PDZRN3: variants seen among roughly 807,000 people sequenced by gnomAD.
The protein encoded by PDZRN3 is E3 ubiquitin-protein ligase PDZRN3.
PDZRN3 carries 38 observed loss-of-function variants against 85.7 expected under a neutral mutation model. The observed-to-expected ratio is 0.44, with a 90% CI of 0.34 to 0.58. The LOEUF is 0.58. PDZRN3 is among the 20% of genes least tolerant of loss of function. The pLI is 0.01. For missense variants in PDZRN3, 1,629 were observed against 1,506.4 expected, an observed-to-expected ratio of 1.08 and a Z score of -1.35; for synonymous variants, 759 against 638.0, an observed-to-expected ratio of 1.19 and a Z score of -2.86.
At chr3:73,542,687 T>C (rs1390894970) in intron 3 of PDZRN3, among the ~76,000 whole-genome samples, 4 of 151,834 alleles carry the variant, frequency 2.6e-5, no homozygotes, top group African/African-American at 4.8e-5. Context: ...GGCAGGAGAA[T>C]TGCTTGAACC....
intron 3 of PDZRN3, among the ~76,000 whole-genome samples, chr3:73,420,458 G>C (rs1305085861): frequency 6.6e-6 from 1 of 152,184 alleles, no homozygotes; most frequent in Non-Finnish European, 1.5e-5. Flanking sequence ...AACAAATACT[G>C]AATCTGAGAA....
chr3:73,410,352 C>T (rs1412738276), intron 3 of PDZRN3, among the ~76,000 whole-genome samples: 1 of 152,040 alleles, frequency 6.6e-6, no homozygotes, highest in African/African-American at 2.4e-5. Flanking sequence ...TTCAAATTAA[C>T]GTGTTTCTGA....
At chr3:73,488,482 C>T (rs1331273131) in intron 3 of PDZRN3, among the ~76,000 whole-genome samples, 2 of 152,190 alleles carry the variant, frequency 1.3e-5, no homozygotes, top group African/African-American at 4.8e-5. Context: ...CTGGAACAAT[C>T]TTCCCAGCTC....
chr3:73,568,353 C>T (rs1465233473), intron 3 of PDZRN3, among the ~76,000 whole-genome samples: 1 of 152,092 alleles, frequency 6.6e-6, no homozygotes, highest in East Asian at 1.9e-4. Context: ...AAGCAGGTGG[C>T]TTGAGTTGCT....
At chr3:73,423,976 A>G (rs146161490) in intron 3 of PDZRN3, among the ~76,000 whole-genome samples, 3 of 152,210 alleles carry the variant, frequency 2.0e-5, no homozygotes, top group Non-Finnish European at 4.4e-5. Flanking sequence ...CGAGGAAGAG[A>G]TGGGCTTGTC....
intron 3 of PDZRN3, among the ~76,000 whole-genome samples, chr3:73,542,358 TCAATCCCAGGC>T (rs1704944227): frequency 6.6e-6 from 1 of 152,202 alleles, no homozygotes; most frequent in Non-Finnish European, 1.5e-5. Flanking sequence ...TGCCTGGGCA[TCAATCCCAGGC>T]CAACAACATT....
intron 5 of PDZRN3, among the ~76,000 whole-genome samples, chr3:73,397,122 C>T (rs1701655108): frequency 6.6e-6 from 1 of 151,950 alleles, no homozygotes; most frequent in African/African-American, 2.4e-5. Context: ...CAACCTCCGC[C>T]TCCTGGGTTT....
At chr3:73,479,449 A>G (rs1279201816) in intron 3 of PDZRN3, among the ~76,000 whole-genome samples, 1 of 151,954 alleles carries the variant, frequency 6.6e-6, no homozygotes, top group African/African-American at 2.4e-5. Context: ...CACATTCAAT[A>G]ACTCTCCAGG....
chr3:73,435,825 C>T (rs1702520299), intron 3 of PDZRN3, among the ~76,000 whole-genome samples: 1 of 152,162 alleles, frequency 6.6e-6, no homozygotes, highest in Admixed American at 6.5e-5. Flanking sequence ...GGGATGACTC[C>T]ACCGTTTGCT....
chr3:73,512,765 C>T (rs1704191014), intron 3 of PDZRN3, among the ~76,000 whole-genome samples: 1 of 152,100 alleles, frequency 6.6e-6, no homozygotes, highest in Non-Finnish European at 1.5e-5. Context: ...GGCCTTGTAG[C>T]CAAACATTCC....
At chr3:73,483,781 T>C (rs746496936) in intron 3 of PDZRN3, among the ~76,000 whole-genome samples, 1 of 152,030 alleles carries the variant, frequency 6.6e-6, no homozygotes, top group Admixed American at 6.6e-5. Flanking sequence ...CCAGATGTAT[T>C]TGGGAGGCAG....
At chr3:73,538,766 T>G (rs930678746) in intron 3 of PDZRN3, among the ~76,000 whole-genome samples, 2 of 152,148 alleles carry the variant, frequency 1.3e-5, no homozygotes, top group African/African-American at 4.8e-5. Context: ...TTTTATACAA[T>G]GATGTAGGTA....
intron 3 of PDZRN3, among the ~76,000 whole-genome samples, chr3:73,434,767 T>G (rs766295982): frequency 6.6e-6 from 1 of 152,150 alleles, no homozygotes; most frequent in Non-Finnish European, 1.5e-5. Context: ...CCAAGTTGTG[T>G]GTGAAGAAAG....
intron 3 of PDZRN3, among the ~76,000 whole-genome samples, chr3:73,497,566 T>G (rs142329012): frequency 9.9e-5 from 15 of 152,232 alleles, no homozygotes; most frequent in African/African-American, 3.6e-4. Flanking sequence ...ATTATTGCCA[T>G]TGTAAAATTT....
chr3:73,554,673 A>AG (rs1701648672), intron 3 of PDZRN3, among the ~76,000 whole-genome samples: 1 of 152,218 alleles, frequency 6.6e-6, no homozygotes, highest in Non-Finnish European at 1.5e-5. Flanking sequence ...TAAAGGTAAG[A>AG]GAAAAAAAAT....
At chr3:73,464,556 C>G (rs1703174472) in intron 3 of PDZRN3, among the ~76,000 whole-genome samples, 1 of 152,134 alleles carries the variant, frequency 6.6e-6, no homozygotes, top group African/African-American at 2.4e-5. Context: ...ACTATTCTGT[C>G]TCTTCCCTTC....
intron 3 of PDZRN3, chr3:73,569,552 A>G (rs1188658462): frequency 3.8e-6 from 4 of 1,049,684 alleles, no homozygotes; most frequent in South Asian, 6.4e-5. Flanking sequence ...GAAGCCTCCC[A>G]CCCCCACACC....
chr3:73,548,477 T>C (rs2106798243), intron 3 of PDZRN3, among the ~76,000 whole-genome samples: 1 of 152,248 alleles, frequency 6.6e-6, no homozygotes, highest in South Asian at 2.1e-4. Flanking sequence ...ATTTGAGGCT[T>C]TTTGAAGCAC....
At chr3:73,424,804 G>T (rs1702278683) in intron 3 of PDZRN3, among the ~76,000 whole-genome samples, 1 of 152,100 alleles carries the variant, frequency 6.6e-6, no homozygotes, top group Admixed American at 6.6e-5. Context: ...CATAGTCAGG[G>T]TGAAGCAAAT....
Sources: allele counts gnomAD v4.1 joint callset (sites outside exome capture counted in the v4.1 genomes callset), GRCh38; gene constraint gnomAD v4.1.1; transcripts MANE v1.5; gene names NCBI Gene and HGNC (gene_info 2026-07-23, HGNC 2026-07-21).